KRCC1: variants seen among roughly 807,000 people sequenced by gnomAD.
KRCC1 encodes lysine-rich coiled-coil protein 1.
Under a neutral mutation model 7.4 loss-of-function variants are expected in KRCC1, and 3 were observed. The observed-to-expected ratio is 0.40, with a 90% confidence interval of 0.18 to 1.04. KRCC1 has a LOEUF of 1.04. KRCC1 is among the 50% of genes least tolerant of loss of function. The pLI is 0.33. For missense variants in KRCC1, 277 were observed against 300.9 expected (o/e 0.92, Z 0.59); for synonymous variants, 102 against 101.6 (o/e 1.00, Z -0.02).
rs749965230 is a variant in KRCC1 at position 88,029,854 on chromosome 2, A to ATAT, written c.-22-1270_-22-1269insATA. On this transcript the variant is annotated intron_variant, in intron 3 of 3. Transcript: ENST00000347055. ...TATATAAAAAAATATATATATATAT[A>ATAT]TTTTTTTTTTTGAGATGGAGTCTTG... is the stretch of plus-strand genomic sequence containing the variant. 3.9e-3 allele frequency among the ~76,000 whole-genome samples: 542 copies of ATAT among 138,384 alleles called. 2 individuals are homozygous for ATAT. The highest frequency in any genetic ancestry group is 0.014 in the African/African-American group (519 of 37,510). The allele number at this position is 138,384 out of a possible 152,430, so 90.8% of individuals were successfully genotyped here. A position where few individuals can be genotyped will look rare whatever the true frequency, so the allele number is the denominator to read the frequency against.
At chr2:88,054,663 T>A (rs1673572386) in intron 1 of KRCC1, among the ~76,000 whole-genome samples, 1 of 151,926 alleles carries the variant, frequency 6.6e-6, no homozygotes, top group Non-Finnish European at 1.5e-5. Context: ...CACTCCCTAC[T>A]CCCTTCATCT....
chr2:88,028,078 C>A lies in KRCC1; in HGVS notation c.486G>T (p.Arg162Ser), dbSNP rs1672911624. The A allele has an allele frequency of 6.2e-7, 1 of 1,614,012 alleles. No individual in the cohort carries two copies. Among genetic ancestry groups the A allele is most frequent in the Non-Finnish European group, 8.5e-7 (1 of 1,180,046 alleles). The stretch of plus-strand genomic sequence containing the variant: ...ATTTTTCTCTGCCTTCCTCTGGGTG[C>A]CTTTTCCTCTTCTGATGTATCTGTT... ...SHKQIHQKRK[R>S]HPEEGREKSE... The change falls in exon 4 of 4, where the codon AGG becomes AGT. Residue 162 changes from arginine to serine, a missense_variant. By Grantham distance (110) the Arg-to-Ser change is moderately radical. Coordinates refer to ENST00000347055, the MANE Select transcript of KRCC1 (RefSeq NM_016618.3).
At chr2:88,043,668 A>G (rs1368349610) in intron 1 of KRCC1, among the ~76,000 whole-genome samples, 1 of 152,204 alleles carries the variant, frequency 6.6e-6, no homozygotes, top group Non-Finnish European at 1.5e-5. Context: ...AAGCACTTAT[A>G]CATAGTAACT....
intron 3 of KRCC1, among the ~76,000 whole-genome samples, chr2:88,030,579 T>C (rs1369494450): frequency 1.3e-5 from 2 of 152,040 alleles, no homozygotes; most frequent in East Asian, 3.9e-4. Flanking sequence ...AGCAAGTAAA[T>C]GTGAATTAAA....
intron 1 of KRCC1, among the ~76,000 whole-genome samples, chr2:88,042,430 CTCTT>C (rs771067912): frequency 1.3e-4 from 20 of 150,302 alleles, no homozygotes; most frequent in South Asian, 4.3e-4. Context: ...CCCCACCTCT[CTCTT>C]TCTTTCTTTA....
chr2:88,050,033 TAATA>T (rs1673436987), intron 1 of KRCC1, among the ~76,000 whole-genome samples: 1 of 152,220 alleles, frequency 6.6e-6, no homozygotes. Flanking sequence ...CTAATTTCAT[TAATA>T]AATACAACTA....
chr2:88,049,768 C>T (rs34774751), intron 1 of KRCC1, among the ~76,000 whole-genome samples: 33,254 of 152,198 alleles, frequency 0.22, 3,633 homozygotes, highest in East Asian at 0.27. Context: ...TTTTCACTTA[C>T]TGACACCTAA....
chr2:88,050,635 A>T (rs1673455133), intron 1 of KRCC1, among the ~76,000 whole-genome samples: 1 of 152,160 alleles, frequency 6.6e-6, no homozygotes, highest in African/African-American at 2.4e-5. Flanking sequence ...TAAATAAATA[A>T]AAAATAAAAA....
At chr2:88,037,605 C>T (rs561685267) in intron 1 of KRCC1, among the ~76,000 whole-genome samples, 3 of 152,266 alleles carry the variant, frequency 2.0e-5, no homozygotes, top group African/African-American at 7.2e-5. Context: ...GATGGGGTTT[C>T]GCCATGTTGC....
chr2:88,043,404 G>A (rs1673254360), intron 1 of KRCC1, among the ~76,000 whole-genome samples: 1 of 152,046 alleles, frequency 6.6e-6, no homozygotes, highest in Non-Finnish European at 1.5e-5. Context: ...GTATATTCCT[G>A]GCACAATCTT....
intron 1 of KRCC1, among the ~76,000 whole-genome samples, chr2:88,052,851 CAT>C (rs1389921864): frequency 2.6e-5 from 4 of 152,140 alleles, no homozygotes; most frequent in Non-Finnish European, 4.4e-5. Context: ...AAAGTGTTGT[CAT>C]GTTTTTGTTT....
In KRCC1 at chr2:88,055,749, C is replaced by G. The variant is rs1281460870; in HGVS notation, c.-414G>C. On this transcript the variant is annotated 5_prime_UTR_variant, in exon 1 of 4. Coordinates refer to ENST00000347055, the MANE Select transcript of KRCC1 (RefSeq NM_016618.3). ...GGAACAACCGCTGCCGCCACCGCCG[C>G]CTCCGCCGCCGAGCAGGCTGGATGG... The G allele has an allele frequency of 1.3e-5, 2 of 154,612 alleles. No homozygotes were observed. The highest frequency in any genetic ancestry group is 2.9e-5 in the Non-Finnish European group (2 of 69,770). The allele number at this position is 154,612 out of a possible 1,614,324, so 9.6% of individuals were successfully genotyped here. A position where few individuals can be genotyped will look rare whatever the true frequency, so the allele number is the denominator to read the frequency against.
At chr2:88,038,549 A>C (rs142547269) in intron 1 of KRCC1, among the ~76,000 whole-genome samples, 63 of 152,338 alleles carry the variant, frequency 4.1e-4, no homozygotes, top group African/African-American at 1.3e-3. Flanking sequence ...GGCCAGAGAT[A>C]CATGTCCAAA....
intron 1 of KRCC1, among the ~76,000 whole-genome samples, chr2:88,049,796 AAACT>A (rs1200675141): frequency 6.6e-6 from 1 of 152,274 alleles, no homozygotes; most frequent in African/African-American, 2.4e-5. Flanking sequence ...AGCAAGTCTG[AAACT>A]AACAAATAAT....
chr2:88,047,024 AC>A (rs912575274), intron 1 of KRCC1, among the ~76,000 whole-genome samples: 2 of 152,196 alleles, frequency 1.3e-5, no homozygotes, highest in Non-Finnish European at 2.9e-5. Context: ...AGTTAAAGTA[AC>A]AAAAACTGCA....
chr2:88,055,050 T>C (rs1049030689), intron 1 of KRCC1, among the ~76,000 whole-genome samples: 7 of 152,114 alleles, frequency 4.6e-5, no homozygotes, highest in Admixed American at 2.6e-4. Context: ...GCTTGTCTTA[T>C]AGGGCCATAT....
chr2:88,031,264 G>A (rs1472339690), intron 3 of KRCC1, among the ~76,000 whole-genome samples: 1 of 151,974 alleles, frequency 6.6e-6, no homozygotes, highest in African/African-American at 2.4e-5. Context: ...CCTGAACCCT[G>A]TGAAGGCTTA....
chr2:88,028,970 G>A (rs1336201613), intron 3 of KRCC1, among the ~76,000 whole-genome samples: 5 of 152,114 alleles, frequency 3.3e-5, no homozygotes, highest in Non-Finnish European at 7.4e-5. Context: ...CTTAAAAAGA[G>A]CTTTGAAAAA....
intron 2 of KRCC1, among the ~76,000 whole-genome samples, chr2:88,034,943 A>T (rs988790843): frequency 6.6e-6 from 1 of 151,454 alleles, no homozygotes; most frequent in African/African-American, 2.4e-5. Context: ...TTTTTGAGCA[A>T]TTTTTTTTTA....
Sources: allele counts gnomAD v4.1 joint callset (sites outside exome capture counted in the v4.1 genomes callset), GRCh38; gene constraint gnomAD v4.1.1; transcripts MANE v1.5; gene names NCBI Gene and HGNC (gene_info 2026-07-23, HGNC 2026-07-21).